MARCHF1: variants seen among roughly 807,000 people sequenced by gnomAD.
MARCHF1 encodes the protein E3 ubiquitin-protein ligase MARCHF1.
MARCHF1 carries 40 observed loss-of-function variants against 54.2 expected under a neutral mutation model. The ratio of observed to expected loss-of-function variants is 0.74; its 90% CI spans 0.57 to 0.96. MARCHF1 has a LOEUF of 0.96. Among genes scored for constraint, MARCHF1 ranks in the 40% least tolerant of loss-of-function variants. The probability of loss-of-function intolerance (pLI) is 0.00; values close to 1 mark genes in which losing one functional copy is unlikely to be tolerated. For synonymous variants in MARCHF1, 236 were observed against 236.3 expected (o/e 1.00, Z 0.01); for missense variants, 586 against 656.5 (o/e 0.89, Z 1.17).
chr4:164,131,106 G>T (rs1756292210), intron 1 of MARCHF1, among the ~76,000 whole-genome samples: 1 of 152,014 alleles, frequency 6.6e-6, no homozygotes, highest in Admixed American at 6.6e-5. Flanking sequence ...TCCTATCATA[G>T]AAATTGTGTA....
At chr4:164,081,080 C>T (rs1363502635) in intron 2 of MARCHF1, among the ~76,000 whole-genome samples, 1 of 147,726 alleles carries the variant, frequency 6.8e-6, no homozygotes, top group South Asian at 2.2e-4. Flanking sequence ...CGGTGGCGGG[C>T]TCCTGTAGTC....
chr4:164,139,463 T>C (rs1379282927), intron 1 of MARCHF1, among the ~76,000 whole-genome samples: 3 of 151,048 alleles, frequency 2.0e-5, no homozygotes, highest in South Asian at 2.1e-4. Context: ...CAAATGCTGA[T>C]TGGCAGCAAC....
At chr4:163,977,741 G>A (rs182365359) in intron 3 of MARCHF1, among the ~76,000 whole-genome samples, 208 of 152,288 alleles carry the variant, frequency 1.4e-3, no homozygotes, top group African/African-American at 4.7e-3. Flanking sequence ...TATTTTAAGA[G>A]AAGTTTTGAT....
At chr4:163,692,897 C>T (rs1456764396) in intron 5 of MARCHF1, among the ~76,000 whole-genome samples, 1 of 151,256 alleles carries the variant, frequency 6.6e-6, no homozygotes, top group Non-Finnish European at 1.5e-5. Flanking sequence ...AAGAACAACA[C>T]AATATCTGGC....
At chr4:164,189,357 T>C in intron 1 of MARCHF1, 1 of 619,608 alleles carries the variant, frequency 1.6e-6, no homozygotes, top group Admixed American at 2.5e-5. Flanking sequence ...AGGCCAAATT[T>C]TAAGAGCTAA....
chr4:163,575,690 A>G (rs975687294), intron 8 of MARCHF1, among the ~76,000 whole-genome samples: 1 of 145,412 alleles, frequency 6.9e-6, no homozygotes, highest in Non-Finnish European at 1.5e-5. Context: ...GGCTTTTTAA[A>G]TTTTTTTTTT....
intron 1 of MARCHF1, among the ~76,000 whole-genome samples, chr4:164,118,893 C>G (rs1755997092): frequency 6.9e-6 from 1 of 144,350 alleles, no homozygotes; most frequent in Admixed American, 6.9e-5. Context: ...AATATAACAC[C>G]ACAACTACCA....
intron 2 of MARCHF1, among the ~76,000 whole-genome samples, chr4:164,007,345 C>CAAAAAA (rs56306052): frequency 2.0e-4 from 16 of 81,764 alleles, no homozygotes; most frequent in African/African-American, 4.2e-4. Flanking sequence ...GACTCCATCT[C>CAAAAAA]AAAAAAAAAA....
Position 163,955,878 on chromosome 4 carries a change from A to T in MARCHF1, c.-39+32623T>A, listed in dbSNP as rs1369407503. 2.6e-5 allele frequency among the ~76,000 whole-genome samples: 4 copies of T among 152,170 alleles called. No individual in the cohort carries two copies. The East Asian group carries it at 7.7e-4, about 29-fold the overall frequency. On this transcript the variant is annotated intron_variant, in intron 3 of 9. Coordinates refer to ENST00000514618, the MANE Select transcript of MARCHF1 (RefSeq NM_001394959.1). ...ATAATATATATTAGAAACTATAAAC[A>T]TGTATTTTGAACACAGATGCTAAAA...
intron 5 of MARCHF1, among the ~76,000 whole-genome samples, chr4:163,676,597 A>G (rs1048520381): frequency 2.6e-5 from 4 of 152,050 alleles, no homozygotes; most frequent in Admixed American, 1.3e-4. Flanking sequence ...ATAAATAACT[A>G]ATTAAAAAAT....
intron 3 of MARCHF1, among the ~76,000 whole-genome samples, chr4:163,885,644 T>C (rs891009864): frequency 3.3e-5 from 5 of 152,144 alleles, no homozygotes; most frequent in African/African-American, 9.7e-5. Flanking sequence ...GTCATCACCA[T>C]AGACAGCATT....
chr4:163,603,862 G>A (rs1296415021), intron 7 of MARCHF1, among the ~76,000 whole-genome samples: 1 of 151,840 alleles, frequency 6.6e-6, no homozygotes, highest in Non-Finnish European at 1.5e-5. Context: ...AAAGAACTGA[G>A]CCTCTCAATT....
intron 3 of MARCHF1, among the ~76,000 whole-genome samples, chr4:163,938,475 A>G (rs954198672): frequency 1.4e-4 from 22 of 152,136 alleles, no homozygotes; most frequent in African/African-American, 5.3e-4. Context: ...CCAGATATTC[A>G]TTGGTAAGGA....
intron 1 of MARCHF1, among the ~76,000 whole-genome samples, chr4:164,361,396 T>G (rs185836971): frequency 3.5e-4 from 54 of 152,274 alleles, no homozygotes; most frequent in African/African-American, 1.2e-3. Flanking sequence ...CCTAATTTGC[T>G]AATATATGAA....
At chr4:163,543,479 C>A (rs187272008) in intron 9 of MARCHF1, among the ~76,000 whole-genome samples, 2 of 151,418 alleles carry the variant, frequency 1.3e-5, no homozygotes, top group Non-Finnish European at 2.9e-5. Flanking sequence ...TTATGCATTG[C>A]GACACGCTGA....
intron 1 of MARCHF1, among the ~76,000 whole-genome samples, chr4:164,367,958 T>C (rs960874933): frequency 1.3e-5 from 2 of 151,670 alleles, no homozygotes; most frequent in Admixed American, 6.6e-5. Flanking sequence ...GCTAAAGTAG[T>C]ATATAGTGTG....
chr4:164,291,832 A>ATCAT (rs1734290792), intron 1 of MARCHF1, among the ~76,000 whole-genome samples: 1 of 152,186 alleles, frequency 6.6e-6, no homozygotes, highest in African/African-American at 2.4e-5. Context: ...TGTTGGAAGC[A>ATCAT]TCATTATGTG....
At chr4:164,036,939 G>C (rs1038371480) in intron 2 of MARCHF1, among the ~76,000 whole-genome samples, 2 of 152,158 alleles carry the variant, frequency 1.3e-5, no homozygotes, top group African/African-American at 4.8e-5. Context: ...TCTCAGACCA[G>C]AGTGTCAGCA....
At chr4:164,029,601 T>C (rs950823371) in intron 2 of MARCHF1, among the ~76,000 whole-genome samples, 15 of 152,144 alleles carry the variant, frequency 9.9e-5, no homozygotes, top group African/African-American at 3.4e-4. Flanking sequence ...ACTTTTTTTC[T>C]TTTTTCTTTT....
Sources: gnomAD v4.1 joint callset for allele counts (sites outside exome capture counted in the v4.1 genomes callset) on GRCh38, gnomAD v4.1.1 for gene constraint, MANE v1.5 for transcripts, NCBI Gene and HGNC (gene_info 2026-07-23, HGNC 2026-07-21) for gene names.